FGF14: variants seen among roughly 807,000 people sequenced by gnomAD.
FGF14 encodes fibroblast growth factor homologous factor 4.
In FGF14, 5 loss-of-function variants were observed where a neutral mutation model predicts 25.5. The observed-to-expected ratio is 0.20, with a 90% CI of 0.10 to 0.41. The LOEUF (loss-of-function observed/expected upper bound fraction) is 0.41. FGF14 is among the 10% of genes least tolerant of loss of function. FGF14 has a pLI of 1.00. For missense variants in FGF14, 222 were observed against 320.1 expected (o/e 0.69, Z 2.34); for synonymous variants, 138 against 118.3 (o/e 1.17, Z -1.08).
At chr13:102,213,309 A>C (rs1245688551) in intron 1 of FGF14, among the ~76,000 whole-genome samples, 1 of 152,234 alleles carries the variant, frequency 6.6e-6, no homozygotes, top group Non-Finnish European at 1.5e-5. Context: ...AATATAAATG[A>C]AAGGGTTTAG....
chr13:102,323,247 C>T (rs2027218), intron 1 of FGF14, among the ~76,000 whole-genome samples: 12,330 of 152,170 alleles, frequency 0.081, 1,061 homozygotes, highest in African/African-American at 0.21. Flanking sequence ...TTTTAAGCTG[C>T]ATTAGTCACA....
At chr13:102,165,924 A>T (rs1340553843) in intron 1 of FGF14, among the ~76,000 whole-genome samples, 2 of 151,952 alleles carry the variant, frequency 1.3e-5, no homozygotes, top group Non-Finnish European at 2.9e-5. Context: ...CCTTTAAAAA[A>T]AAAATGTGAT....
chr13:101,894,084 A>G lies in FGF14; in HGVS notation c.194-18788T>C, dbSNP rs1338724043. ...ATGGAAAGATATTTAAGAAAGAGTG[A>G]CAATAATATCAGGCTTCTTTTGCAT... On this transcript the variant is annotated intron_variant, in intron 1 of 4. Transcript: ENST00000376143. Among the ~76,000 whole-genome samples, 3 of 152,078 alleles carry G rather than the reference A, an allele frequency of 2.0e-5. No individual in the cohort carries two copies. In the East Asian group the frequency reaches 5.8e-4, roughly 29 times the overall value.
At chr13:101,785,752 T>G (rs2039785585) in intron 3 of FGF14, among the ~76,000 whole-genome samples, 1 of 152,188 alleles carries the variant, frequency 6.6e-6, no homozygotes. Context: ...CATAAATCAT[T>G]TTTGAGTCTT....
rs973520461 is a variant in FGF14, at chr13:101,800,479, T to C, written c.408+68246A>G. Among the ~76,000 whole-genome samples, 4 of 152,194 alleles carry C rather than the reference T, an allele frequency of 2.6e-5. No homozygotes were observed. The East Asian group carries it at 7.7e-4, about 29-fold the overall frequency. ...AGTGTGTCAAACCAAAAGGGACTTA[T>C]CCATTTGCTGTTTGCACGAATCTAA... On this transcript the variant is annotated intron_variant, in intron 3 of 4. Transcript: ENST00000376143.
chr13:102,225,911 TC>T (rs2050805666), intron 1 of FGF14, among the ~76,000 whole-genome samples: 1 of 152,180 alleles, frequency 6.6e-6, no homozygotes, highest in African/African-American at 2.4e-5. Context: ...ATTGAGATAG[TC>T]CCTGAGCTGA....
chr13:101,848,520 C>T (rs908283497), intron 3 of FGF14, among the ~76,000 whole-genome samples: 1 of 151,858 alleles, frequency 6.6e-6, no homozygotes, highest in Admixed American at 6.6e-5. Flanking sequence ...ATTCCTTCAG[C>T]GAGAATGAGG....
chr13:102,070,778 T>A (rs1055719890), intron 1 of FGF14, among the ~76,000 whole-genome samples: 1 of 152,222 alleles, frequency 6.6e-6, no homozygotes, highest in Admixed American at 6.5e-5. Context: ...AAATAAGGCA[T>A]GTTTTTTAAA....
chr13:101,981,211 C>G (rs938298696), intron 1 of FGF14, among the ~76,000 whole-genome samples: 1 of 151,564 alleles, frequency 6.6e-6, no homozygotes. Flanking sequence ...GCCCGGGAGG[C>G]AGAGGTTCCA....
At chr13:101,795,192 AGT>A (rs896736560) in intron 3 of FGF14, among the ~76,000 whole-genome samples, 8 of 152,144 alleles carry the variant, frequency 5.3e-5, no homozygotes, top group African/African-American at 1.7e-4. Flanking sequence ...CACATGAATG[AGT>A]GTGGCTGCAT....
rs10611209 is a variant in FGF14 at position 102,120,702 on chromosome 13, ATTTT to A, written c.209-245410_209-245407del. ...GCGGCTCATCTACCATAGAAAAGTGATTTTTTTTTTTTTTTTTTCGAGACAGAGT... is the reference window on the plus strand; with the variant it reads ...GCGGCTCATCTACCATAGAAAAGTGATTTTTTTTTTTTTTCGAGACAGAGT... On this transcript the variant is annotated intron_variant, in intron 1 of 4. Transcript: ENST00000376131. Among the ~76,000 whole-genome samples, 222 of 140,252 alleles carry A rather than the reference ATTTT, an allele frequency of 1.6e-3. 1 individual carries two copies. Among genetic ancestry groups the A allele is most frequent in the Middle Eastern group, 3.6e-3 (1 of 276 alleles). 92.0% of individuals were successfully genotyped at this position (140,252 alleles called of 152,430 possible). A position where few individuals can be genotyped will look rare whatever the true frequency, so the allele number is the denominator to read the frequency against.
At chr13:101,963,210 C>A (rs2139473314) in intron 1 of FGF14, among the ~76,000 whole-genome samples, 1 of 152,382 alleles carries the variant, frequency 6.6e-6, no homozygotes, top group South Asian at 2.1e-4. Context: ...AACCAACCTA[C>A]ATCTGACGAT....
chr13:102,018,889 G>A (rs560501518), intron 1 of FGF14, among the ~76,000 whole-genome samples: 2 of 152,260 alleles, frequency 1.3e-5, no homozygotes, highest in African/African-American at 4.8e-5. Flanking sequence ...CAGACCTGCT[G>A]AATCAGAACT....
intron 1 of FGF14, among the ~76,000 whole-genome samples, chr13:102,285,916 G>T (rs73569766): frequency 0.037 from 5,637 of 152,248 alleles, 349 homozygotes; most frequent in African/African-American, 0.13. Flanking sequence ...CGTAGTACAA[G>T]ATAGAGGATT....
At chr13:102,151,693 G>A (rs764182633) in intron 1 of FGF14, among the ~76,000 whole-genome samples, 2 of 151,976 alleles carry the variant, frequency 1.3e-5, no homozygotes, top group Non-Finnish European at 2.9e-5. Flanking sequence ...GTAGAGACGG[G>A]ATTTCACCAT....
chr13:102,028,529 A>T (rs1168340259), intron 1 of FGF14, among the ~76,000 whole-genome samples: 2 of 152,050 alleles, frequency 1.3e-5, no homozygotes, highest in Admixed American at 1.3e-4. Context: ...TTTTTGTTAT[A>T]GCAGCCTAAG....
intron 1 of FGF14, among the ~76,000 whole-genome samples, chr13:102,369,093 T>G (rs2057799915): frequency 6.6e-6 from 1 of 152,212 alleles, no homozygotes; most frequent in Admixed American, 6.5e-5. Context: ...GTCTTTTCCA[T>G]GCAAAACTGG....
At chr13:102,051,864 A>C (rs1322973635) in intron 1 of FGF14, among the ~76,000 whole-genome samples, 1 of 152,208 alleles carries the variant, frequency 6.6e-6, no homozygotes, top group African/African-American at 2.4e-5. Context: ...GAAAAACCAA[A>C]GAGACATAAC....
chr13:101,858,229 T>TAA lies in FGF14; in HGVS notation c.408+10494_408+10495dup, dbSNP rs35915119. On this transcript the variant is annotated intron_variant, in intron 3 of 4. Coordinates refer to ENST00000376143, the MANE Select transcript of FGF14 (RefSeq NM_004115.4). ...GAAGTAGGAAGAAGAATAATTATCT[T>TAA]AAAAAAAAAAAAAAGGAAAATAACT... is the stretch of plus-strand genomic sequence containing the variant. Among the ~76,000 whole-genome samples the TAA allele has an allele frequency of 2.7e-3, 377 of 141,176 alleles. 3 individuals are homozygous for TAA. The highest frequency in any genetic ancestry group is 7.0e-3 in the African/African-American group (270 of 38,420). The allele number at this position is 141,176 out of a possible 152,430, so 92.6% of individuals were successfully genotyped here. A position where few individuals can be genotyped will look rare whatever the true frequency, so the allele number is the denominator to read the frequency against.
Sources: allele counts gnomAD v4.1 joint callset (sites outside exome capture counted in the v4.1 genomes callset), GRCh38; gene constraint gnomAD v4.1.1; transcripts MANE v1.5; gene names NCBI Gene and HGNC (gene_info 2026-07-23, HGNC 2026-07-21).